ATP5MF: variants seen among roughly 807,000 people sequenced by gnomAD.
The protein encoded by ATP5MF is ATP synthase F(0) complex subunit f, mitochondrial.
Under a neutral mutation model 13.8 loss-of-function variants are expected in ATP5MF, and 10 were observed. The observed-to-expected ratio is 0.72, with a 90% CI of 0.45 to 1.23. The LOEUF is 1.23. Among genes scored for constraint, ATP5MF ranks in the 50% most tolerant of loss-of-function variants. The pLI is 0.00. For missense variants in ATP5MF, 122 were observed against 118.2 expected (o/e 1.03, Z -0.15); for synonymous variants, 40 against 45.8 (o/e 0.87, Z 0.51).
chr7:99,466,122 C>T lies in ATP5MF; in HGVS notation c.20G>A (p.Cys7Tyr). The change falls in exon 1 of 4, where the codon TGT (cysteine) becomes TAT (tyrosine). Residue 7 changes from cysteine (C) to tyrosine (Y), a missense_variant. By Grantham distance (194) the Cys-to-Tyr change is radical. Transcript: ENST00000292475. MASVGECPAPVPVKDKK... is the reference protein window; with the variant it reads MASVGEYPAPVPVKDKK... ...CCAAACAGCCTTACCTGGGGCCGGA[C>T]ACTCACCAACTGACGCCATTTTGGA... The T allele has an allele frequency of 6.2e-7, 1 of 1,614,182 alleles. No individual in the cohort carries two copies. Among genetic ancestry groups the T allele is most frequent in the Non-Finnish European group, 8.5e-7 (1 of 1,180,026 alleles).
intron 3 of ATP5MF, 121 bp from the exon 4 acceptor site, chr7:99,458,476 T>C (rs2280601): frequency 0.22 from 225,490 of 1,012,360 alleles, 39,338 homozygotes; most frequent in African/African-American, 0.83. Flanking sequence ...AGATGACCCA[T>C]GACCCGCCTG....
chr7:99,462,409 A>G (rs1196012201), intron 1 of ATP5MF, among the ~76,000 whole-genome samples: 2 of 150,954 alleles, frequency 1.3e-5, no homozygotes, highest in Non-Finnish European at 2.9e-5. Context: ...CGGAGCTTGC[A>G]GTGAGCTGAG....
chr7:99,459,590 GTT>G, intron 2 of ATP5MF: 1 of 294,804 alleles, frequency 3.4e-6, no homozygotes, highest in Non-Finnish European at 6.5e-6. Flanking sequence ...TTCTTGTGTG[GTT>G]TTTTTTATAG....
intron 1 of ATP5MF, among the ~76,000 whole-genome samples, chr7:99,461,844 G>A (rs529194435): frequency 6.6e-6 from 1 of 150,984 alleles, no homozygotes; most frequent in African/African-American, 2.4e-5. Context: ...TTTTAGTAGA[G>A]ACAGGGTTTC....
chr7:99,459,139 G>A lies in ATP5MF; in HGVS notation c.256+8C>T. On this transcript the variant is annotated splice_region_variant and intron_variant, in intron 3 of 3. Coordinates refer to ENST00000292475, the MANE Select transcript of ATP5MF (RefSeq NM_004889.5). ...GAACTAAAGGCAAGACGCCGCAGAGGCACTCACTGAGATGCTTGTAGGAAA... is the reference window on the plus strand; with the variant it reads ...GAACTAAAGGCAAGACGCCGCAGAGACACTCACTGAGATGCTTGTAGGAAA... 1.9e-6 allele frequency: 3 copies of A among 1,605,382 alleles called. No homozygotes were observed. The highest frequency in any genetic ancestry group is 2.6e-6 in the Non-Finnish European group (3 of 1,172,914).
chr7:99,460,899 C>T (rs1190037417), intron 1 of ATP5MF, among the ~76,000 whole-genome samples: 1 of 152,178 alleles, frequency 6.6e-6, no homozygotes, highest in Non-Finnish European at 1.5e-5. Context: ...AAGGAATTTC[C>T]ACCTCCAGCA....
At chr7:99,459,417 C>G (rs559616950) in intron 2 of ATP5MF, among the ~76,000 whole-genome samples, 154 bp from the exon 3 acceptor site, 2 of 152,202 alleles carry the variant, frequency 1.3e-5, no homozygotes, top group African/African-American at 4.8e-5. Context: ...AGATGACAAG[C>G]ACAAATGCCA....
chr7:99,466,117 C>T lies in ATP5MF; in HGVS notation c.25G>A (p.Ala9Thr). The T allele has an allele frequency of 2.5e-6, 4 of 1,614,192 alleles. No homozygotes were observed. In the South Asian group the frequency reaches 3.3e-5, roughly 13 times the overall value. Reference sequence around the variant, plus strand: ...GGAGTCCAAACAGCCTTACCTGGGGCCGGACACTCACCAACTGACGCCATT... The same window carrying T: ...GGAGTCCAAACAGCCTTACCTGGGGTCGGACACTCACCAACTGACGCCATT... MASVGECP[A>T]PVPVKDKKLL... The change falls in exon 1 of 4, where the codon GCC becomes ACC. Residue 9 changes from alanine (A) to threonine (T), a missense_variant. Coordinates refer to ENST00000292475, the MANE Select transcript of ATP5MF (RefSeq NM_004889.5).
At position 99,466,092 on chromosome 7, in the gene ATP5MF, G is replaced by T; in HGVS notation, c.31+19C>A. The stretch of plus-strand genomic sequence containing the variant: ...GGACCCTGGCTCCTGCTTCCACCAC[G>T]GAGTCCAAACAGCCTTACCTGGGGC... On this transcript the variant is annotated intron_variant, in intron 1 of 3. Transcript: ENST00000292475. 1 of 1,614,074 alleles carries T rather than the reference G, an allele frequency of 6.2e-7. No individual in the cohort carries two copies. Among genetic ancestry groups the T allele is most frequent in the Non-Finnish European group, 8.5e-7 (1 of 1,179,974 alleles).
intron 1 of ATP5MF, among the ~76,000 whole-genome samples, chr7:99,464,711 AAC>A (rs1798773724): frequency 6.6e-6 from 1 of 151,844 alleles, no homozygotes; most frequent in Non-Finnish European, 1.5e-5. Context: ...TGGTAATCTC[AAC>A]ACTTTGGGAG....
Position 99,458,971 on chromosome 7 carries a change from C to G in ATP5MF, c.256+176G>C, listed in dbSNP as rs2242484. The G allele has an allele frequency of 2.9e-3, 1,628 of 570,930 alleles. 19 individuals carry two copies. The East Asian group carries it at 0.035, about 12-fold the overall frequency. 35.4% of individuals were successfully genotyped at this position (570,930 alleles called of 1,614,324 possible). On this transcript the variant is annotated intron_variant, in intron 3 of 3. Transcript: ENST00000292475. ...TTTGTCACAATTTTCTCATTTCAAA[C>G]AATATCCCACATACTGTACTCTGAT...
intron 1 of ATP5MF, among the ~76,000 whole-genome samples, chr7:99,465,339 G>C (rs1798822132): frequency 6.6e-6 from 1 of 152,148 alleles, no homozygotes; most frequent in African/African-American, 2.4e-5. Context: ...CTATCAGGCT[G>C]TGTGACCTCA....
chr7:99,458,261 A>C lies in ATP5MF; in HGVS notation c.*66T>G. 1 of 1,501,620 alleles carries C rather than the reference A, an allele frequency of 6.7e-7. No individual in the cohort carries two copies. Among genetic ancestry groups the C allele is most frequent in the Non-Finnish European group, 9.2e-7 (1 of 1,092,602 alleles). 93.0% of individuals were successfully genotyped at this position (1,501,620 alleles called of 1,614,324 possible). On this transcript the variant is annotated 3_prime_UTR_variant, in exon 4 of 4. Transcript: ENST00000292475. ...ATGAAAGGATTCAGCAACGATTGAGATTGTGTTCCTCACGGAGGGGCTCGG... is the reference window on the plus strand; with the variant it reads ...ATGAAAGGATTCAGCAACGATTGAGCTTGTGTTCCTCACGGAGGGGCTCGG...
chr7:99,460,296 A>G, intron 1 of ATP5MF, 103 bp from the exon 2 acceptor site: 1 of 1,259,542 alleles, frequency 7.9e-7, no homozygotes, highest in South Asian at 1.3e-5. Context: ...AAGGTGCATA[A>G]TGCAATTACA....
At position 99,458,330 on chromosome 7, in the gene ATP5MF, G is replaced by A. The variant is rs758440748; in HGVS notation, c.282C>T (p.His94=). ...HLKHERLRKY[H] is the part of the protein sequence containing the mutation. ...GGGGGTGCAGAGTGTGTCCTCTTCA[G>A]TGGTATTTGCGGAGCCGCTCGTGCT... is the stretch of plus-strand genomic sequence containing the variant. Residue 94 remains histidine (H), a synonymous_variant, in exon 4 of 4, where the codon CAC becomes CAT. Transcript: ENST00000292475. 16 of 1,610,136 alleles carry A rather than the reference G, an allele frequency of 9.9e-6. No homozygotes were observed. In the South Asian group the frequency reaches 1.6e-4, roughly 16 times the overall value.
chr7:99,464,401 C>T (rs555189710), intron 1 of ATP5MF, among the ~76,000 whole-genome samples: 3 of 152,376 alleles, frequency 2.0e-5, no homozygotes, highest in East Asian at 1.9e-4. Context: ...CAGTGGCTCA[C>T]ACCTGTAATC....
Position 99,460,110 on chromosome 7 carries a change from C to A in ATP5MF, c.115G>T (p.Gly39Cys). The A allele has an allele frequency of 6.2e-7, 1 of 1,613,964 alleles. No homozygotes were observed. Among genetic ancestry groups the A allele is most frequent in the East Asian group, 2.2e-5 (1 of 44,884 alleles). Residue 39 changes from glycine to cysteine, a missense_variant, in exon 2 of 4, where the codon GGC becomes TGC. Gly to Cys is a radical substitution (Grantham distance 159, BLOSUM62 -3). Coordinates refer to ENST00000292475, the MANE Select transcript of ATP5MF (RefSeq NM_004889.5). ...CCTCTTTGAAACGCTCCGAAAATGC[C>A]ACTAGGACTGAAGTCCCGCATCAAG... is the stretch of plus-strand genomic sequence containing the variant. ...WILMRDFSPS[G>C]IFGAFQRGYY...
chr7:99,462,750 C>G (rs918172531), intron 1 of ATP5MF, among the ~76,000 whole-genome samples: 1 of 152,158 alleles, frequency 6.6e-6, no homozygotes, highest in African/African-American at 2.4e-5. Context: ...AAGGGACTAT[C>G]CAGTTCATCC....
chr7:99,464,016 C>T (rs906601743), intron 1 of ATP5MF, among the ~76,000 whole-genome samples: 1 of 152,154 alleles, frequency 6.6e-6, no homozygotes, highest in Non-Finnish European at 1.5e-5. Context: ...ACATGGACTC[C>T]AATTTCTTCA....
Sources: allele counts gnomAD v4.1 joint callset (sites outside exome capture counted in the v4.1 genomes callset), GRCh38; gene constraint gnomAD v4.1.1; transcripts MANE v1.5; gene names NCBI Gene and HGNC (gene_info 2026-07-23, HGNC 2026-07-21).